The following RPAP2 variants were observed in gnomAD, a reference collection of about 807,000 sequenced individuals.
RPAP2 encodes RNA polymerase II associated protein 2, also known as putative RNA polymerase II subunit B1 CTD phosphatase RPAP2.
Under a neutral mutation model 73.1 loss-of-function variants are expected in RPAP2, and 52 were observed. That is an observed-to-expected ratio of 0.71 (90% CI 0.57 to 0.90). The LOEUF (loss-of-function observed/expected upper bound fraction) is 0.90. Among genes scored for constraint, RPAP2 ranks in the 40% least tolerant of loss-of-function variants. RPAP2 has a pLI of 0.00. For missense variants in RPAP2, 598 were observed against 701.8 expected, an observed-to-expected ratio of 0.85 and a Z score of 1.67; for synonymous variants, 225 against 242.1, an observed-to-expected ratio of 0.93 and a Z score of 0.65.
Position 92,401,424 on chromosome 1 carries a change from G to A in RPAP2, c.*14413G>A, listed in dbSNP as rs1010911308. 1 of 152,160 alleles carries A rather than the reference G, an allele frequency of 6.6e-6. No homozygotes were observed. Among genetic ancestry groups the A allele is most frequent in the Non-Finnish European group, 1.5e-5 (1 of 68,036 alleles). 9.4% of individuals were successfully genotyped at this position (152,160 alleles called of 1,614,324 possible). A position where few individuals can be genotyped will look rare whatever the true frequency, so the allele number is the denominator to read the frequency against. ...AGGACAATACTTTCCCTACTACTTA[G>A]TTCTAGTCCCTTTTTTGTAGAATTC... On this transcript the variant is annotated 3_prime_UTR_variant, in exon 13 of 13. Coordinates refer to ENST00000610020, the MANE Select transcript of RPAP2 (RefSeq NM_024813.3).
intron 5 of RPAP2, among the ~76,000 whole-genome samples, chr1:92,306,323 A>C (rs1432395218): frequency 1.3e-5 from 2 of 152,252 alleles, no homozygotes; most frequent in Non-Finnish European, 2.9e-5. Context: ...ACTTAATACC[A>C]CTGTGCTATA....
chr1:92,305,902 A>T (rs1374624054), intron 5 of RPAP2, among the ~76,000 whole-genome samples: 1 of 152,220 alleles, frequency 6.6e-6, no homozygotes, highest in Non-Finnish European at 1.5e-5. Context: ...AAGTCTTTGC[A>T]CATTCTCTAT....
At chr1:92,345,710 T>C in intron 10 of RPAP2, 136 bp from the exon 11 acceptor site, 4 of 592,022 alleles carry the variant, frequency 6.8e-6, no homozygotes, top group Non-Finnish European at 1.2e-5. Flanking sequence ...TATTGACTCT[T>C]TCCTGTCAAA....
intron 10 of RPAP2, among the ~76,000 whole-genome samples, chr1:92,341,064 C>T (rs771621143): frequency 6.6e-6 from 1 of 151,922 alleles, no homozygotes; most frequent in African/African-American, 2.4e-5. Context: ...GTTGGACTGC[C>T]GTGTCGTGAT....
chr1:92,348,801 A>G (rs1654050428), intron 11 of RPAP2, among the ~76,000 whole-genome samples: 1 of 152,200 alleles, frequency 6.6e-6, no homozygotes, highest in African/African-American at 2.4e-5. Flanking sequence ...GTATAATTAT[A>G]CTTTAATGTG....
chr1:92,318,173 G>A (rs894736539), intron 6 of RPAP2, among the ~76,000 whole-genome samples: 2 of 152,174 alleles, frequency 1.3e-5, no homozygotes, highest in African/African-American at 2.4e-5. Flanking sequence ...CTTCTGGCAT[G>A]TCCACCTTCC....
chr1:92,302,835 C>T (rs1036138680), intron 3 of RPAP2, among the ~76,000 whole-genome samples: 11 of 151,676 alleles, frequency 7.3e-5, no homozygotes, highest in Non-Finnish European at 1.6e-4. Context: ...TTCCTAACCT[C>T]GTGATCCGCC....
At chr1:92,336,579 T>C (rs1388181032) in intron 10 of RPAP2, 152 bp downstream of exon 10, 2 of 590,128 alleles carry the variant, frequency 3.4e-6, no homozygotes, top group East Asian at 5.9e-5. Flanking sequence ...TAAACAACAT[T>C]ATTTCTCTCT....
At chr1:92,364,725 C>A (rs527883099) in intron 11 of RPAP2, among the ~76,000 whole-genome samples, 2 of 152,226 alleles carry the variant, frequency 1.3e-5, no homozygotes, top group African/African-American at 2.4e-5. Context: ...CTGCTACTAA[C>A]CCACATTAGG....
chr1:92,334,739 C>G (rs540798814), intron 9 of RPAP2, among the ~76,000 whole-genome samples: 35 of 152,186 alleles, frequency 2.3e-4, no homozygotes, highest in Non-Finnish European at 3.4e-4. Context: ...GTAATCCCAG[C>G]ACTTTGGGAG....
chr1:92,368,256 G>C (rs777270387), intron 11 of RPAP2, among the ~76,000 whole-genome samples: 1 of 152,160 alleles, frequency 6.6e-6, no homozygotes, highest in Non-Finnish European at 1.5e-5. Context: ...GTGGGCACCT[G>C]TAATGCCAGC....
At chr1:92,360,003 T>TGG (rs1654655280) in intron 11 of RPAP2, among the ~76,000 whole-genome samples, 1 of 3,778 alleles carries the variant, frequency 2.6e-4, no homozygotes, top group Non-Finnish European at 3.9e-4. Context: ...AGTCTGGTAA[T>TGG]TTGGTAGTGT....
intron 11 of RPAP2, 152 bp downstream of exon 11, chr1:92,346,066 A>G (rs1004739549): frequency 7.6e-6 from 4 of 525,596 alleles, no homozygotes; most frequent in African/African-American, 2.0e-5. Flanking sequence ...TAAGAAAACA[A>G]TTTTTATTTA....
rs931058696 is a variant in RPAP2 at position 92,397,524 on chromosome 1, T to C, written c.*10513T>C. On this transcript the variant is annotated 3_prime_UTR_variant, in exon 13 of 13. Coordinates refer to ENST00000610020, the MANE Select transcript of RPAP2 (RefSeq NM_024813.3). The stretch of plus-strand genomic sequence containing the variant: ...CTCAGGTGAGGAGCCAGTAGCTCAG[T>C]ATAGAAACTAAGGATCCAAGTGGAC... 2 of 152,184 alleles carry C rather than the reference T, an allele frequency of 1.3e-5. No homozygotes were observed. Among genetic ancestry groups the C allele is most frequent in the African/African-American group, 4.8e-5 (2 of 41,448 alleles). 9.4% of individuals were successfully genotyped at this position (152,184 alleles called of 1,614,324 possible).
rs369685395 is a variant in RPAP2, at chr1:92,346,486, A to G, written c.1688+572A>G. ...GCCTGTTATCATCTTGGAAAGAGAC[A>G]AATATCCTCATGTGGAGTATATACA... is the stretch of plus-strand genomic sequence containing the variant. On this transcript the variant is annotated intron_variant, in intron 11 of 12. Transcript: ENST00000610020. 3.6e-4 allele frequency among the ~76,000 whole-genome samples: 55 copies of G among 152,288 alleles called. No individual in the cohort carries two copies. In the South Asian group the frequency reaches 0.011, roughly 30 times the overall value.
intron 4 of RPAP2, 81 bp from the exon 5 acceptor site, chr1:92,304,203 A>G (rs1651051335): frequency 8.8e-7 from 1 of 1,130,238 alleles, no homozygotes; most frequent in African/African-American, 1.6e-5. Context: ...ATGATATGAT[A>G]TGTAGATGAC....
At chr1:92,375,484 C>T (rs991484817) in intron 11 of RPAP2, among the ~76,000 whole-genome samples, 1 of 152,088 alleles carries the variant, frequency 6.6e-6, no homozygotes, top group Non-Finnish European at 1.5e-5. Context: ...TGCCTGAGCT[C>T]AGGAGTTCAA....
At chr1:92,316,101 A>G (rs1651889732) in intron 6 of RPAP2, among the ~76,000 whole-genome samples, 1 of 152,232 alleles carries the variant, frequency 6.6e-6, no homozygotes. Flanking sequence ...GTAATCTAAA[A>G]TCTTAAATCT....
chr1:92,329,074 T>G (rs996580707), intron 8 of RPAP2, among the ~76,000 whole-genome samples: 12 of 152,146 alleles, frequency 7.9e-5, no homozygotes, highest in Admixed American at 5.9e-4. Flanking sequence ...GGGTCCTTAA[T>G]TGTATTTTTT....
Sources: gnomAD v4.1 joint callset for allele counts (sites outside exome capture counted in the v4.1 genomes callset) on GRCh38, gnomAD v4.1.1 for gene constraint, MANE v1.5 for transcripts, NCBI Gene and HGNC (gene_info 2026-07-23, HGNC 2026-07-21) for gene names.